IRF1: variants seen among roughly 807,000 people sequenced by gnomAD.
IRF1 encodes the protein interferon regulatory factor 1.
A neutral mutation model predicts 43.7 loss-of-function variants in IRF1; 13 were observed. The observed-to-expected ratio is 0.30, with a 90% CI of 0.19 to 0.47. IRF1 has a LOEUF of 0.47. Among genes scored for constraint, IRF1 ranks in the 20% least tolerant of loss-of-function variants. The pLI, the probability that IRF1 is intolerant of heterozygous loss-of-function variation, is 0.99. For missense variants in IRF1, 236 were observed against 408.9 expected (o/e 0.58, Z 3.65); for synonymous variants, 138 against 146.8 (o/e 0.94, Z 0.43).
intron 8 of IRF1, chr5:132,484,867 C>A: frequency 5.7e-6 from 1 of 173,922 alleles, no homozygotes; most frequent in African/African-American, 2.4e-5. Flanking sequence ...GAACGACATC[C>A]ATGTCTCAAT....
intron 7 of IRF1, 21 bp from the exon 8 acceptor site, chr5:132,485,737 G>C (rs2126838209): frequency 6.2e-7 from 1 of 1,606,612 alleles, no homozygotes; most frequent in Non-Finnish European, 8.5e-7. Flanking sequence ...GGAAAGCAGA[G>C]AGGTTGGCTG....
chr5:132,489,089 T>G, intron 2 of IRF1: 1 of 303,000 alleles, frequency 3.3e-6, no homozygotes, highest in East Asian at 6.4e-5. Context: ...GTGCTGTGTA[T>G]GTTTGTAAGG....
chr5:132,484,664 AGGGAGGAG>A, intron 8 of IRF1, 167 bp from the exon 9 acceptor site: 2 of 770,012 alleles, frequency 2.6e-6, no homozygotes, highest in Non-Finnish European at 4.1e-6. Context: ...AGGGCCCGGG[AGGGAGGAG>A]GCAGAAATGC....
intron 8 of IRF1, chr5:132,484,810 T>C: frequency 3.8e-6 from 1 of 262,966 alleles, no homozygotes; most frequent in Admixed American, 5.2e-5. Flanking sequence ...AAAACAAAGG[T>C]TAGCATAATA....
At position 132,482,666 on chromosome 5, in the gene IRF1, T is replaced by G. The variant is rs1315069214; in HGVS notation, c.*1285A>C. ...ACCATGCCCGGCCAAATGAAAGGTT[T>G]TTTTTTTTTTTTTTTTTTTTGGTGC... On this transcript the variant is annotated 3_prime_UTR_variant, in exon 10 of 10. Transcript: ENST00000245414. 5 of 137,382 alleles carry G rather than the reference T, an allele frequency of 3.6e-5. No individual in the cohort carries two copies. The highest frequency in any genetic ancestry group is 6.2e-5 in the Non-Finnish European group (4 of 64,144). 8.5% of individuals were successfully genotyped at this position (137,382 alleles called of 1,614,324 possible). A position where few individuals can be genotyped will look rare whatever the true frequency, so the allele number is the denominator to read the frequency against.
intron 8 of IRF1, chr5:132,485,405 A>G: frequency 1.9e-6 from 1 of 515,276 alleles, no homozygotes; most frequent in South Asian, 2.3e-5. Flanking sequence ...CCCATCGCTG[A>G]TAGTGCCTGA....
intron 2 of IRF1, 150 bp downstream of exon 2, chr5:132,489,242 C>T (rs1330734498): frequency 1.1e-5 from 7 of 652,278 alleles, no homozygotes; most frequent in East Asian, 8.4e-5. Context: ...CAGGCTGGGC[C>T]GTGCACACTC....
rs1398806502 is a variant in IRF1, at chr5:132,487,031, T to C, written c.287A>G (p.Asp96Gly). ...TGAGCTGCCCTTGTTCCTGCTCTGG[T>C]CTTTCACCTCCTCGATATCTGGCAG... Reference protein sequence around the residue: ...NSLPDIEEVKDQSRNKGSSAV... With the variant: ...NSLPDIEEVKGQSRNKGSSAV... Residue 96 changes from aspartate (D) to glycine (G), a missense_variant, in exon 4 of 10, where the codon GAC becomes GGC. Coordinates refer to ENST00000245414, the MANE Select transcript of IRF1 (RefSeq NM_002198.3). 5 of 1,614,178 alleles carry C rather than the reference T, an allele frequency of 3.1e-6. No individual in the cohort carries two copies. The highest frequency in any genetic ancestry group is 4.2e-6 in the Non-Finnish European group (5 of 1,180,016).
rs572425689 is a variant in IRF1, at chr5:132,490,349, G to A, written c.-6+196C>T. On this transcript the variant is annotated intron_variant, in intron 1 of 9. Transcript: ENST00000245414. The surrounding 1 kb of genome is among the most constrained non-coding windows in gnomAD (Gnocchi z 5.8). Reference sequence around the variant, plus strand: ...AGCCTCGTCCGGGTGGGCGGTCCACGCCGCGTCCCGCCCTCCCCGCGCCGC... The same window carrying A: ...AGCCTCGTCCGGGTGGGCGGTCCACACCGCGTCCCGCCCTCCCCGCGCCGC... 215 of 150,020 alleles carry A rather than the reference G, an allele frequency of 1.4e-3. No homozygotes were observed. Among genetic ancestry groups the A allele is most frequent in the African/African-American group, 5.0e-3 (207 of 41,226 alleles). The allele number at this position is 150,020 out of a possible 1,614,324, so 9.3% of individuals were successfully genotyped here. A position where few individuals can be genotyped will look rare whatever the true frequency, so the allele number is the denominator to read the frequency against.
chr5:132,485,915 C>G lies in IRF1; in HGVS notation c.668-199G>C, dbSNP rs552029863. ...GGACCCTGGCCTGGTGACTCAGCCT[C>G]TCAAACCCTGAAGCCACGCCGCTTC... On this transcript the variant is annotated intron_variant, in intron 7 of 9. Coordinates refer to ENST00000245414, the MANE Select transcript of IRF1 (RefSeq NM_002198.3). 1,246 of 611,836 alleles carry G rather than the reference C, an allele frequency of 2.0e-3. 30 individuals are homozygous for G. In the South Asian group the frequency reaches 0.023, roughly 11 times the overall value. The allele number at this position is 611,836 out of a possible 1,614,324, so 37.9% of individuals were successfully genotyped here. A position where few individuals can be genotyped will look rare whatever the true frequency, so the allele number is the denominator to read the frequency against.
At chr5:132,484,664 A>G in intron 8 of IRF1, 167 bp from the exon 9 acceptor site, 1 of 770,012 alleles carries the variant, frequency 1.3e-6, no homozygotes. Context: ...AGGGCCCGGG[A>G]GGGAGGAGGC....
chr5:132,484,124 G>T (rs776122143), intron 9 of IRF1, 49 bp from the exon 10 acceptor site: 4 of 1,604,726 alleles, frequency 2.5e-6, no homozygotes, highest in Non-Finnish European at 3.4e-6. Flanking sequence ...GGTGGCATCA[G>T]GTGTGCTTCC....
In IRF1 at chr5:132,487,960, A is replaced by G. The variant is rs756424796; in HGVS notation, c.153T>C (p.Asp51=). Residue 51 remains aspartate (D), a synonymous_variant, in exon 3 of 10, where the codon GAT becomes GAC. Transcript: ENST00000245414. The part of the protein sequence containing the change: ...AAKHGWDINK[D]ACLFRSWAIH... ...TGGCCCAGCTCCGGAACAAACAGGC[A>G]TCCTTGTTGATGTCCCAGCCATGCT... 4 of 1,613,504 alleles carry G rather than the reference A, an allele frequency of 2.5e-6. 1 individual carries two copies. The Admixed American group carries it at 5.0e-5, about 20-fold the overall frequency.
chr5:132,489,923 C>T (rs2126843675), intron 1 of IRF1: 1 of 177,946 alleles, frequency 5.6e-6, no homozygotes, highest in Non-Finnish European at 1.2e-5. Context: ...CCCTGAACAG[C>T]CCCCTCCCGC....
chr5:132,489,327 C>T lies in IRF1; in HGVS notation c.87+65G>A. On this transcript the variant is annotated intron_variant, in intron 2 of 9. Transcript: ENST00000245414. Reference sequence around the variant, plus strand: ...TTCCCTTTTTGAGCTGCATCTGAAGCTTTGGTCCCTCCAGAAGTACATGGG... The same window carrying T: ...TTCCCTTTTTGAGCTGCATCTGAAGTTTTGGTCCCTCCAGAAGTACATGGG... 4.9e-6 allele frequency: 6 copies of T among 1,224,430 alleles called. No homozygotes were observed. The South Asian group carries it at 7.2e-5, about 15-fold the overall frequency. 75.8% of individuals were successfully genotyped at this position (1,224,430 alleles called of 1,614,324 possible). A position where few individuals can be genotyped will look rare whatever the true frequency, so the allele number is the denominator to read the frequency against.
rs200736826 is a variant in IRF1 at position 132,484,439 on chromosome 5, T to C, written c.776A>G (p.Asn259Ser). Residue 259 changes from asparagine (N) to serine (S), a missense_variant, in exon 9 of 10, where the codon AAT becomes AGT. This residue lies in a region of IRF1 where 170 missense variants were observed against 251.8 expected (regional missense o/e 0.68). Transcript: ENST00000245414. ...TNVDGKGYLLNEPGVQPTSVY... is the reference protein window; with the variant it reads ...TNVDGKGYLLSEPGVQPTSVY... The stretch of plus-strand genomic sequence containing the variant: ...AGAGGTGGGCTGGACTCCAGGTTCA[T>C]TGAGTAGGTACCCCTTCCCATCCAC... 7.0e-5 allele frequency: 113 copies of C among 1,614,228 alleles called. No individual in the cohort carries two copies. The highest frequency in any genetic ancestry group is 1.7e-4 in the Middle Eastern group (1 of 6,060).
intron 2 of IRF1, 120 bp downstream of exon 2, chr5:132,489,271 TG>T: frequency 1.3e-6 from 1 of 771,200 alleles, no homozygotes; most frequent in Non-Finnish European, 2.3e-6. Flanking sequence ...CAGGACCCAC[TG>T]GGAGAAACAC....
In IRF1 at chr5:132,490,397, C is replaced by T. The variant is rs1196526969; in HGVS notation, c.-6+148G>A. ...CGCGGCCCGCGGCTCGCAGCTCCTC[C>T]GGCGCCCCCCGGAGCCCGCGCGGAG... On this transcript the variant is annotated intron_variant, in intron 1 of 9. Coordinates refer to ENST00000245414, the MANE Select transcript of IRF1 (RefSeq NM_002198.3). This position sits in a 1 kb window ranked among gnomAD's most constrained non-coding sequence, Gnocchi z 5.8. 6.7e-6 allele frequency: 1 copy of T among 149,828 alleles called. No individual in the cohort carries two copies. Among genetic ancestry groups the T allele is most frequent in the Non-Finnish European group, 1.5e-5 (1 of 67,258 alleles). The allele number at this position is 149,828 out of a possible 1,614,324, so 9.3% of individuals were successfully genotyped here. A position where few individuals can be genotyped will look rare whatever the true frequency, so the allele number is the denominator to read the frequency against.
Position 132,483,822 on chromosome 5 carries a change from A to G in IRF1, c.*129T>C, listed in dbSNP as rs570902330. ...TCAATGACCCAAGGAGGGAGGCCCC[A>G]TCCCCACTTGGCAGTGGGGTCACAC... On this transcript the variant is annotated 3_prime_UTR_variant, in exon 10 of 10. Coordinates refer to ENST00000245414, the MANE Select transcript of IRF1 (RefSeq NM_002198.3). The G allele has an allele frequency of 8.5e-7, 1 of 1,179,058 alleles. No individual in the cohort carries two copies. The highest frequency in any genetic ancestry group is 1.5e-5 in the African/African-American group (1 of 65,092). The allele number at this position is 1,179,058 out of a possible 1,614,324, so 73.0% of individuals were successfully genotyped here. A position where few individuals can be genotyped will look rare whatever the true frequency, so the allele number is the denominator to read the frequency against.
Sources: gnomAD v4.1 joint callset for allele counts on GRCh38, gnomAD v4.1.1 for gene constraint, gnomAD v4.1.1 regional missense constraint, Gnocchi (gnomAD v3.1) non-coding constraint, MANE v1.5 for transcripts, NCBI Gene and HGNC (gene_info 2026-07-23, HGNC 2026-07-21) for gene names.